MYO15A: variants seen among roughly 807,000 people sequenced by gnomAD.
The protein encoded by MYO15A is myosin XVA, also known as unconventional myosin-XV.
MYO15A carries 308 observed loss-of-function variants against 394.6 expected under a neutral mutation model. The ratio of observed to expected loss-of-function variants is 0.78; its 90% confidence interval spans 0.71 to 0.86. The LOEUF (loss-of-function observed/expected upper bound fraction) is 0.86. MYO15A is among the 40% of genes least tolerant of loss of function. The pLI is 0.00. For synonymous variants in MYO15A, 1,957 were observed against 2,003.8 expected, an observed-to-expected ratio of 0.98 and a Z score of 0.62; for missense variants, 4,606 against 4,799.1, an observed-to-expected ratio of 0.96 and a Z score of 1.19.
At chr17:18,141,881 T>G in intron 23 of MYO15A, 111 bp downstream of exon 23, 1 of 1,283,710 alleles carries the variant, frequency 7.8e-7, no homozygotes, top group Non-Finnish European at 1.1e-6. Flanking sequence ...GCAACCCAGA[T>G]GAGCTTGGGA....
At chr17:18,140,919 C>T (rs762897984) in intron 21 of MYO15A, 87 bp downstream of exon 21, 48 of 1,612,412 alleles carry the variant, frequency 3.0e-5, no homozygotes, top group Non-Finnish European at 3.6e-5. Context: ...CTCTCAGGAC[C>T]TGCATCTGCC....
At chr17:18,175,319 CT>C (rs988455709) in intron 65 of MYO15A, among the ~76,000 whole-genome samples, 2 of 35,738 alleles carry the variant, frequency 5.6e-5, no homozygotes, top group African/African-American at 1.9e-4. Flanking sequence ...GAGGCAAAGT[CT>C]TGCTCTGTTG....
In MYO15A at chr17:18,171,684, G is replaced by A; in HGVS notation, c.10129G>A (p.Ala3377Thr). The change falls in exon 63 of 66, where the codon GCA (alanine) becomes ACA (threonine). Residue 3377 changes from alanine to threonine, a missense_variant. Around this residue, in one of 2 missense-constraint regions of MYO15A, gnomAD observed 2,776 missense variants for 3,109.3 expected, o/e 0.89. Coordinates refer to ENST00000647165, the MANE Select transcript of MYO15A (RefSeq NM_016239.4). ...YIPAQLYRTT[A>T]GSTWLNLVSQ... is the part of the protein sequence containing the mutation. ...CCCAGCCCAGCTCTACCGTACAACG[G>A]CAGGCTCGACCTGGCTCAACCTGGT... The A allele has an allele frequency of 6.2e-7, 1 of 1,613,408 alleles. No homozygotes were observed. The highest frequency in any genetic ancestry group is 8.5e-7 in the Non-Finnish European group (1 of 1,180,016).
intron 22 of MYO15A, 100 bp downstream of exon 22, chr17:18,141,243 C>A: frequency 6.5e-7 from 1 of 1,548,998 alleles, no homozygotes; most frequent in Non-Finnish European, 8.8e-7. Context: ...TTGCCATGCA[C>A]AGTTGCTCAG....
chr17:18,126,855 A>T lies in MYO15A; in HGVS notation c.3931A>T (p.Ile1311Leu), dbSNP rs772775590. 1 of 1,613,988 alleles carries T rather than the reference A, an allele frequency of 6.2e-7. No homozygotes were observed. Among genetic ancestry groups the T allele is most frequent in the South Asian group, 1.1e-5 (1 of 91,068 alleles). Reference sequence around the variant, plus strand: ...GCTCGATGCCAAACAGAACCAGTGCATAATCATTAGGTGAGTGGGCTGCCT... The same window carrying T: ...GCTCGATGCCAAACAGAACCAGTGCTTAATCATTAGGTGAGTGGGCTGCCT... Reference protein sequence around the residue: ...KMLDAKQNQCIIISGESGSGK... With the variant: ...KMLDAKQNQCLIISGESGSGK... The change falls in exon 6 of 66, where the codon ATA becomes TTA. Residue 1311 changes from isoleucine to leucine, a missense_variant. Physicochemically the swap from Ile to Leu is conservative, Grantham distance 5. This residue lies in a region of MYO15A where 2,776 missense variants were observed against 3,109.3 expected (regional missense o/e 0.89). Transcript: ENST00000647165.
At chr17:18,124,625 G>A in intron 3 of MYO15A, 60 bp downstream of exon 3, 2 of 1,528,356 alleles carry the variant, frequency 1.3e-6, no homozygotes, top group Non-Finnish European at 1.8e-6. Context: ...CACCCTCCCA[G>A]CCAGAGCAGC....
At position 18,127,185 on chromosome 17, in the gene MYO15A, C is replaced by G. The variant is rs938032734; in HGVS notation, c.4032+20C>G. 12 of 1,613,330 alleles carry G rather than the reference C, an allele frequency of 7.4e-6. No individual in the cohort carries two copies. The highest frequency in any genetic ancestry group is 1.0e-5 in the Non-Finnish European group (12 of 1,179,814). ...CAGCAGGTGAGTCTACCTGTCTCCCCAGGACCCTAGGCTGAACACCCTTTG... is the reference window on the plus strand; with the variant it reads ...CAGCAGGTGAGTCTACCTGTCTCCCGAGGACCCTAGGCTGAACACCCTTTG... On this transcript the variant is annotated intron_variant, in intron 7 of 65. Coordinates refer to ENST00000647165, the MANE Select transcript of MYO15A (RefSeq NM_016239.4).
chr17:18,121,278 A>G lies in MYO15A; in HGVS notation c.2478A>G (p.Pro826=). The change falls in exon 2 of 66, where the codon CCA becomes CCG. Residue 826 remains proline, a synonymous_variant. Transcript: ENST00000647165. This position sits in a 1 kb window ranked among gnomAD's most constrained non-coding sequence, Gnocchi z 5.3. ...GCTCGCTGCAGGAGTCCCCAGCCCC[A>G]CGCCGAGCCGCTGGGCGCCTGGGCC... The part of the protein sequence containing the change: ...RPRSLQESPA[P]RRAAGRLGPP... 1 of 1,371,506 alleles carries G rather than the reference A, an allele frequency of 7.3e-7. No homozygotes were observed. The highest frequency in any genetic ancestry group is 9.4e-7 in the Non-Finnish European group (1 of 1,067,774). 85.0% of individuals were successfully genotyped at this position (1,371,506 alleles called of 1,614,324 possible). A position where few individuals can be genotyped will look rare whatever the true frequency, so the allele number is the denominator to read the frequency against.
At chr17:18,135,423 C>T (rs530395338) in intron 12 of MYO15A, among the ~76,000 whole-genome samples, 1 of 152,184 alleles carries the variant, frequency 6.6e-6, no homozygotes, top group Non-Finnish European at 1.5e-5. Flanking sequence ...CTCGCCACAA[C>T]CTCCACCTCC....
intron 57 of MYO15A, 143 bp from the exon 58 acceptor site, chr17:18,162,442 C>G (rs1010245272): frequency 4.0e-6 from 3 of 745,224 alleles, no homozygotes; most frequent in Non-Finnish European, 7.0e-6. Context: ...TGAACTGTTT[C>G]CTCAACTGTC....
intron 47 of MYO15A, among the ~76,000 whole-genome samples, chr17:18,155,671 C>A (rs559218575): frequency 1.3e-5 from 2 of 152,194 alleles, no homozygotes; most frequent in African/African-American, 2.4e-5. Flanking sequence ...TGCCCTCCCC[C>A]CAACCTGCAC....
Position 18,172,308 on chromosome 17 carries a change from G to A in MYO15A, c.10350+18G>A. On this transcript the variant is annotated intron_variant, in intron 64 of 65. Transcript: ENST00000647165. ...AGACTCATGTGAGTGGCCTCAGCCTGGCACTGCCATCGCCACCCTCTGTTC... is the reference window on the plus strand; with the variant it reads ...AGACTCATGTGAGTGGCCTCAGCCTAGCACTGCCATCGCCACCCTCTGTTC... The A allele has an allele frequency of 6.2e-7, 1 of 1,614,130 alleles. No individual in the cohort carries two copies. Among genetic ancestry groups the A allele is most frequent in the Non-Finnish European group, 8.5e-7 (1 of 1,180,016 alleles).
Position 18,132,449 on chromosome 17 carries a change from A to G in MYO15A, c.4207-4A>G, listed in dbSNP as rs749761978. 11 of 1,613,506 alleles carry G rather than the reference A, an allele frequency of 6.8e-6. No homozygotes were observed. The highest frequency in any genetic ancestry group is 8.5e-6 in the Non-Finnish European group (10 of 1,179,910). On this transcript the variant is annotated splice_polypyrimidine_tract_variant and splice_region_variant and intron_variant, in intron 10 of 65. Coordinates refer to ENST00000647165, the MANE Select transcript of MYO15A (RefSeq NM_016239.4). This position sits in a 1 kb window ranked among gnomAD's most constrained non-coding sequence, Gnocchi z 4.6. ...TTCTCTGTGCCCACCTACCCACTCT[A>G]CAGGCCAAAAACGAGAGGAATTACC...
intron 60 of MYO15A, 142 bp downstream of exon 60, chr17:18,163,980 C>A: frequency 1.2e-6 from 1 of 813,300 alleles, no homozygotes. Flanking sequence ...GTGGAAGGAT[C>A]TCTGTGTGTA....
chr17:18,128,016 A>G (rs557412973), intron 7 of MYO15A, among the ~76,000 whole-genome samples: 4 of 151,834 alleles, frequency 2.6e-5, no homozygotes, highest in Admixed American at 1.3e-4. Context: ...GGGCTCTAGG[A>G]AAGTCTAGGG....
rs59214589 is a variant in MYO15A, at chr17:18,130,817, AGTGTGTGTGTGTGTGTGTGTGTGTGT to A, written c.4038+36_4038+61del. 30 of 1,192,888 alleles carry A rather than the reference AGTGTGTGTGTGTGTGTGTGTGTGTGT, an allele frequency of 2.5e-5. No individual in the cohort carries two copies. Among genetic ancestry groups the A allele is most frequent in the East Asian group, 1.8e-4 (7 of 39,050 alleles). The allele number at this position is 1,192,888 out of a possible 1,614,324, so 73.9% of individuals were successfully genotyped here. A position where few individuals can be genotyped will look rare whatever the true frequency, so the allele number is the denominator to read the frequency against. On this transcript the variant is annotated splice_region_variant and intron_variant, in intron 8 of 65. Transcript: ENST00000647165. ...GACGCTCTTGAAGATAAAGGTACTCAGTGTGTGTGTGTGTGTGTGTGTGTGTGTGTGTGTGTGTGTGTGTGTGTGTG... is the reference window on the plus strand; with the variant it reads ...GACGCTCTTGAAGATAAAGGTACTCAGTGTGTGTGTGTGTGTGTGTGTGTG...
chr17:18,170,079 C>CCTTCCCAGA (rs2046918128), intron 62 of MYO15A, among the ~76,000 whole-genome samples: 1 of 151,772 alleles, frequency 6.6e-6, no homozygotes, highest in Non-Finnish European at 1.5e-5. Context: ...AAGGCAGCTG[C>CCTTCCCAGA]CTTCCCAGAT....
chr17:18,115,215 G>A (rs1021410093), intron 1 of MYO15A, among the ~76,000 whole-genome samples: 7 of 152,246 alleles, frequency 4.6e-5, no homozygotes, highest in African/African-American at 1.4e-4. Flanking sequence ...CACTTTAACC[G>A]CTGGCAGCCT....
chr17:18,162,557 G>A, intron 57 of MYO15A, 28 bp from the exon 58 acceptor site: 1 of 1,608,922 alleles, frequency 6.2e-7, no homozygotes, highest in Non-Finnish European at 8.5e-7. Flanking sequence ...TCCACCTTGG[G>A]CGAGGCCTGA....
Sources: gnomAD v4.1 joint callset for allele counts (sites outside exome capture counted in the v4.1 genomes callset) on GRCh38, gnomAD v4.1.1 for gene constraint, gnomAD v4.1.1 regional missense constraint, Gnocchi (gnomAD v3.1) non-coding constraint, MANE v1.5 for transcripts, NCBI Gene and HGNC (gene_info 2026-07-23, HGNC 2026-07-21) for gene names.